The following PLGRKT variants were observed in gnomAD, a reference collection of about 807,000 sequenced individuals.
The protein encoded by PLGRKT is plasminogen receptor with a C-terminal lysine, also known as plasminogen receptor (KT).
PLGRKT carries 22 observed loss-of-function variants against 18.5 expected under a neutral mutation model. The ratio of observed to expected loss-of-function variants is 1.19; its 90% CI spans 0.85 to 1.70. The LOEUF (loss-of-function observed/expected upper bound fraction) is 1.70. Among genes scored for constraint, PLGRKT ranks in the 40% most tolerant of loss-of-function variants. The pLI, the probability that PLGRKT is intolerant of heterozygous loss-of-function variation, is 0.00. For missense variants in PLGRKT, 235 were observed against 174.4 expected, an observed-to-expected ratio of 1.35 and a Z score of -1.96; for synonymous variants, 72 against 52.8, an observed-to-expected ratio of 1.36 and a Z score of -1.58.
At chr9:5,372,441 G>A (rs553989080) in intron 3 of PLGRKT, among the ~76,000 whole-genome samples, 57 of 152,258 alleles carry the variant, frequency 3.7e-4, no homozygotes, top group African/African-American at 1.3e-3. Context: ...ACAGTAGTTT[G>A]AACAGAACAA....
intron 5 of PLGRKT, 102 bp downstream of exon 5, chr9:5,360,976 G>C: frequency 4.4e-6 from 3 of 678,618 alleles, no homozygotes; most frequent in Non-Finnish European, 2.6e-6. Flanking sequence ...TTCAAAGAGA[G>C]AGTCTTGTCA....
At chr9:5,411,739 C>T (rs1818370290) in intron 3 of PLGRKT, among the ~76,000 whole-genome samples, 1 of 152,206 alleles carries the variant, frequency 6.6e-6, no homozygotes, top group Non-Finnish European at 1.5e-5. Flanking sequence ...CAAGATATTA[C>T]AGTTTTAAAT....
intron 3 of PLGRKT, among the ~76,000 whole-genome samples, chr9:5,371,892 T>TACTTAGG (rs967649375): frequency 6.6e-6 from 1 of 151,390 alleles, no homozygotes; most frequent in Non-Finnish European, 1.5e-5. Flanking sequence ...TATTCTACAA[T>TACTTAGG]ACTTAGGATA....
intron 3 of PLGRKT, among the ~76,000 whole-genome samples, chr9:5,399,412 T>G (rs535142370): frequency 6.6e-6 from 1 of 151,978 alleles, no homozygotes; most frequent in South Asian, 2.1e-4. Flanking sequence ...GAAGATTACT[T>G]GTTCTTCCCT....
At chr9:5,411,860 T>C (rs777450930) in intron 3 of PLGRKT, among the ~76,000 whole-genome samples, 4 of 152,152 alleles carry the variant, frequency 2.6e-5, no homozygotes, top group Non-Finnish European at 5.9e-5. Flanking sequence ...TATTCTTGAA[T>C]AAAATGACTC....
At chr9:5,374,757 A>G (rs1817595561) in intron 3 of PLGRKT, among the ~76,000 whole-genome samples, 2 of 152,248 alleles carry the variant, frequency 1.3e-5, no homozygotes, top group Non-Finnish European at 2.9e-5. Context: ...TAGATTATGG[A>G]AAGTATTCAT....
chr9:5,387,745 G>A (rs80163695), intron 3 of PLGRKT, among the ~76,000 whole-genome samples: 1 of 151,652 alleles, frequency 6.6e-6, no homozygotes, highest in Non-Finnish European at 1.5e-5. Flanking sequence ...AAATCAAGCT[G>A]TACTCTTAAG....
chr9:5,400,970 C>G (rs541895972), intron 3 of PLGRKT, among the ~76,000 whole-genome samples: 1 of 151,798 alleles, frequency 6.6e-6, no homozygotes, highest in African/African-American at 2.4e-5. Flanking sequence ...GAAACTTTAT[C>G]CTCAAAAACC....
chr9:5,421,400 C>G (rs1818573171), intron 3 of PLGRKT, among the ~76,000 whole-genome samples: 1 of 152,230 alleles, frequency 6.6e-6, no homozygotes, highest in Non-Finnish European at 1.5e-5. Flanking sequence ...CATCATCATC[C>G]CTTACCCTGC....
chr9:5,390,137 G>A (rs999275422), intron 3 of PLGRKT, among the ~76,000 whole-genome samples: 2 of 151,488 alleles, frequency 1.3e-5, no homozygotes, highest in Non-Finnish European at 2.9e-5. Context: ...GGATGGGAGG[G>A]TATTTTTGCT....
intron 3 of PLGRKT, among the ~76,000 whole-genome samples, chr9:5,405,223 C>T (rs544733938): frequency 1.8e-4 from 28 of 152,254 alleles, no homozygotes; most frequent in African/African-American, 6.5e-4. Context: ...CATTAAATTA[C>T]CATTGACATT....
chr9:5,367,052 C>A lies in PLGRKT; in HGVS notation c.82-5164G>T, dbSNP rs564523397. ...ACATACACACACACACACACACACA[C>A]ACACACACACACACACCCCTAGGAA... is the stretch of plus-strand genomic sequence containing the variant. On this transcript the variant is annotated intron_variant, in intron 3 of 5. Coordinates refer to ENST00000223864, the MANE Select transcript of PLGRKT (RefSeq NM_018465.4). 2.0e-5 allele frequency among the ~76,000 whole-genome samples: 3 copies of A among 151,084 alleles called. No homozygotes were observed. In the South Asian group the frequency reaches 6.3e-4, roughly 32 times the overall value.
chr9:5,422,199 C>A (rs934462941), intron 3 of PLGRKT, among the ~76,000 whole-genome samples: 1 of 152,060 alleles, frequency 6.6e-6, no homozygotes, highest in Non-Finnish European at 1.5e-5. Flanking sequence ...ATGGTAAGGC[C>A]GGCCGATCAC....
At chr9:5,392,693 CATAAA>C (rs1817972438) in intron 3 of PLGRKT, 1 of 151,774 alleles carries the variant, frequency 6.6e-6, no homozygotes, top group Non-Finnish European at 1.5e-5. Flanking sequence ...ACTGGGTGAT[CATAAA>C]ATAAGAGAAT....
intron 3 of PLGRKT, chr9:5,381,941 C>T (rs1586713699): frequency 1.0e-6 from 1 of 984,786 alleles, no homozygotes; most frequent in Non-Finnish European, 1.2e-6. Flanking sequence ...CGAGACAGGG[C>T]CTCCATGCCT....
chr9:5,424,689 T>TATATATATATATATATATATATATACAC (rs1563790070), intron 3 of PLGRKT, among the ~76,000 whole-genome samples: 18 of 70,828 alleles, frequency 2.5e-4, no homozygotes, highest in East Asian at 1.9e-3. Context: ...TATATATATA[T>TATATATATATATATATATATATATACAC]ATACACACAG....
intron 3 of PLGRKT, among the ~76,000 whole-genome samples, chr9:5,378,721 T>G (rs1356286039): frequency 6.6e-6 from 1 of 152,034 alleles, no homozygotes; most frequent in Non-Finnish European, 1.5e-5. Flanking sequence ...GACAAAACAT[T>G]AAATGACATG....
intron 3 of PLGRKT, among the ~76,000 whole-genome samples, chr9:5,405,345 T>G (rs1459775616): frequency 6.6e-6 from 1 of 152,226 alleles, no homozygotes; most frequent in Non-Finnish European, 1.5e-5. Flanking sequence ...TCATGCTACC[T>G]GACTTCAAAC....
At chr9:5,397,472 T>C (rs1203513470) in intron 3 of PLGRKT, among the ~76,000 whole-genome samples, 1 of 151,718 alleles carries the variant, frequency 6.6e-6, no homozygotes, top group Non-Finnish European at 1.5e-5. Flanking sequence ...TTCAATTCTG[T>C]ATCCCAATCA....
Sources: gnomAD v4.1 joint callset for allele counts (sites outside exome capture counted in the v4.1 genomes callset) on GRCh38, gnomAD v4.1.1 for gene constraint, MANE v1.5 for transcripts, NCBI Gene and HGNC (gene_info 2026-07-23, HGNC 2026-07-21) for gene names.